Variants in TSHZ2 observed in about 807,000 individuals in gnomAD.
The protein encoded by TSHZ2 is teashirt zinc finger homeobox 2, also known as teashirt homolog 2.
Under a neutral mutation model 74.4 loss-of-function variants are expected in TSHZ2, and 21 were observed. That is an observed-to-expected ratio of 0.28 (90% CI 0.20 to 0.41). TSHZ2 has a LOEUF of 0.41. Ranked by LOEUF, TSHZ2 falls within the 10% of genes least tolerant of loss-of-function variation. TSHZ2 has a pLI of 1.00. For missense variants in TSHZ2, 1,244 were observed against 1,293.5 expected, an observed-to-expected ratio of 0.96 and a Z score of 0.59; for synonymous variants, 540 against 515.3, an observed-to-expected ratio of 1.05 and a Z score of -0.65.
intron 1 of TSHZ2, among the ~76,000 whole-genome samples, chr20:53,095,586 C>T (rs534963487): frequency 1.5e-4 from 23 of 152,280 alleles, no homozygotes; most frequent in Middle Eastern, 3.4e-3. Flanking sequence ...CATAAAAAGC[C>T]AGCTTGCTCC....
At chr20:52,988,366 G>A (rs368826477) in intron 1 of TSHZ2, among the ~76,000 whole-genome samples, 1 of 152,094 alleles carries the variant, frequency 6.6e-6, no homozygotes, top group African/African-American at 2.4e-5. Flanking sequence ...CAAGGAGCTT[G>A]ACTAAGATGA....
At chr20:53,076,864 G>A (rs1003696068) in intron 1 of TSHZ2, among the ~76,000 whole-genome samples, 2 of 152,182 alleles carry the variant, frequency 1.3e-5, no homozygotes, top group African/African-American at 4.8e-5. Flanking sequence ...CATTTTGGAC[G>A]CAATTCAGAG....
chr20:53,039,620 AAC>A (rs757971758), intron 1 of TSHZ2, among the ~76,000 whole-genome samples: 18 of 152,158 alleles, frequency 1.2e-4, no homozygotes, highest in Non-Finnish European at 2.5e-4. Context: ...CTCCACTAAA[AAC>A]ACAAAAAATT....
At chr20:53,389,856 A>G (rs1160881308) in intron 2 of TSHZ2, among the ~76,000 whole-genome samples, 1 of 152,220 alleles carries the variant, frequency 6.6e-6, no homozygotes, top group East Asian at 1.9e-4. Flanking sequence ...ATCCCCGACA[A>G]CAAAGAATTG....
chr20:53,051,861 G>A (rs1426601213), intron 1 of TSHZ2, among the ~76,000 whole-genome samples: 2 of 152,256 alleles, frequency 1.3e-5, no homozygotes, highest in East Asian at 1.9e-4. Flanking sequence ...CCCATAGAAC[G>A]GACCTTTGCA....
At chr20:53,136,528 C>T (rs1987250296) in intron 1 of TSHZ2, among the ~76,000 whole-genome samples, 1 of 152,180 alleles carries the variant, frequency 6.6e-6, no homozygotes, top group African/African-American at 2.4e-5. Context: ...TATTACCTCT[C>T]TTAAAGCCCA....
At chr20:53,146,931 T>C (rs1464117665) in intron 1 of TSHZ2, among the ~76,000 whole-genome samples, 2 of 152,196 alleles carry the variant, frequency 1.3e-5, no homozygotes, top group East Asian at 3.8e-4. Flanking sequence ...ACCTGAACCA[T>C]TGACCTTATA....
chr20:53,093,079 T>C (rs1361970376), intron 1 of TSHZ2, among the ~76,000 whole-genome samples: 1 of 152,204 alleles, frequency 6.6e-6, no homozygotes, highest in African/African-American at 2.4e-5. Flanking sequence ...CTGAGCCACA[T>C]CCTGGCTCTG....
At chr20:53,259,002 G>C (rs1990544585) in intron 2 of TSHZ2, among the ~76,000 whole-genome samples, 1 of 152,138 alleles carries the variant, frequency 6.6e-6, no homozygotes, top group Non-Finnish European at 1.5e-5. Context: ...TCCCCCATCT[G>C]TACAAAGGTC....
intron 1 of TSHZ2, among the ~76,000 whole-genome samples, chr20:52,999,027 A>C (rs1358469365): frequency 6.6e-6 from 1 of 152,076 alleles, no homozygotes; most frequent in Non-Finnish European, 1.5e-5. Flanking sequence ...TTATAAATGA[A>C]TAAACTGAAA....
At chr20:53,373,894 G>C (rs144066650) in intron 2 of TSHZ2, among the ~76,000 whole-genome samples, 1 of 152,252 alleles carries the variant, frequency 6.6e-6, no homozygotes, top group Non-Finnish European at 1.5e-5. Context: ...AAACAGACCA[G>C]ATCACCTTGG....
At chr20:53,405,775 T>A (rs1982831040) in intron 2 of TSHZ2, among the ~76,000 whole-genome samples, 1 of 152,048 alleles carries the variant, frequency 6.6e-6, no homozygotes, top group Non-Finnish European at 1.5e-5. Context: ...GTGGGTGGAT[T>A]GCTTGAGCTC....
chr20:53,215,066 T>G (rs565054309), intron 1 of TSHZ2, among the ~76,000 whole-genome samples: 86 of 152,326 alleles, frequency 5.6e-4, no homozygotes, highest in African/African-American at 1.8e-3. Flanking sequence ...AATGTCCTCC[T>G]GCAGAAATGC....
intron 1 of TSHZ2, among the ~76,000 whole-genome samples, chr20:53,035,051 A>AG (rs1983769331): frequency 6.6e-6 from 1 of 152,148 alleles, no homozygotes; most frequent in African/African-American, 2.4e-5. Context: ...GGCAGTGGTG[A>AG]GGGAGGCATG....
intron 2 of TSHZ2, among the ~76,000 whole-genome samples, chr20:53,433,105 C>T (rs534243243): frequency 6.6e-6 from 1 of 152,168 alleles, no homozygotes; most frequent in African/African-American, 2.4e-5. Flanking sequence ...GGAAACCCAG[C>T]AGAATTCTAC....
At chr20:53,048,777 AT>A (rs1291827254) in intron 1 of TSHZ2, among the ~76,000 whole-genome samples, 1 of 151,986 alleles carries the variant, frequency 6.6e-6, no homozygotes, top group East Asian at 1.9e-4. Flanking sequence ...TTTGTATGGG[AT>A]TTTGTGAGTG....
chr20:53,421,681 G>GTTTTTTTTTTTTTTTTTTT (rs34083391), intron 2 of TSHZ2: 1 of 85,576 alleles, frequency 1.2e-5, no homozygotes, highest in Non-Finnish European at 2.0e-5. Flanking sequence ...TATGTTTTTG[G>GTTTTTTTTTTTTTTTTTTT]TTTTTTTTTT....
chr20:53,090,283 C>G (rs1014790562), intron 1 of TSHZ2, among the ~76,000 whole-genome samples: 1 of 152,220 alleles, frequency 6.6e-6, no homozygotes, highest in African/African-American at 2.4e-5. Context: ...TCCCACACCA[C>G]TGACTCCAAT....
intron 1 of TSHZ2, among the ~76,000 whole-genome samples, chr20:53,141,316 A>G (rs1243557741): frequency 1.3e-5 from 2 of 152,172 alleles, no homozygotes; most frequent in Non-Finnish European, 2.9e-5. Context: ...CCAGGGCATC[A>G]TTAGTATCCT....
Sources: allele counts gnomAD v4.1 joint callset (sites outside exome capture counted in the v4.1 genomes callset), GRCh38; gene constraint gnomAD v4.1.1; transcripts MANE v1.5; gene names NCBI Gene and HGNC (gene_info 2026-07-23, HGNC 2026-07-21).